Variants in DCC observed in about 807,000 individuals in gnomAD.
DCC encodes the protein DCC netrin 1 receptor.
In DCC, 58 loss-of-function variants were observed where a neutral mutation model predicts 172.5. The observed-to-expected ratio is 0.34, with a 90% CI of 0.27 to 0.42. DCC has a LOEUF of 0.42. DCC is among the 10% of genes least tolerant of loss of function. The probability of loss-of-function intolerance (pLI) is 1.00; values close to 1 mark genes in which losing one functional copy is unlikely to be tolerated. For missense variants in DCC, 1,740 were observed against 1,791.0 expected (o/e 0.97, Z 0.51); for synonymous variants, 709 against 644.5 (o/e 1.10, Z -1.52).
chr18:52,422,087 T>A (rs1362211798), intron 1 of DCC, among the ~76,000 whole-genome samples: 1 of 152,150 alleles, frequency 6.6e-6, no homozygotes, highest in African/African-American at 2.4e-5. Flanking sequence ...TTTGCCAACA[T>A]GTAGATAAAA....
At chr18:52,841,858 G>T (rs1223289915) in intron 2 of DCC, among the ~76,000 whole-genome samples, 1 of 151,998 alleles carries the variant, frequency 6.6e-6, no homozygotes, top group Non-Finnish European at 1.5e-5. Context: ...AATGTTTCTG[G>T]AAGTGTGGTC....
chr18:53,462,496 G>T (rs1420467143), intron 24 of DCC, among the ~76,000 whole-genome samples: 1 of 151,786 alleles, frequency 6.6e-6, no homozygotes, highest in Admixed American at 6.6e-5. Flanking sequence ...CCATCTAGTT[G>T]CAGGAAAACA....
intron 2 of DCC, among the ~76,000 whole-genome samples, chr18:52,798,761 T>TG (rs955565413): frequency 1.2e-5 from 1 of 81,778 alleles, no homozygotes; most frequent in African/African-American, 3.6e-5. Context: ...TTGTATCTTT[T>TG]TTTTTTTTAA....
intron 2 of DCC, among the ~76,000 whole-genome samples, chr18:52,891,367 T>C (rs911573410): frequency 6.6e-6 from 1 of 152,134 alleles, no homozygotes; most frequent in Admixed American, 6.6e-5. Context: ...TGTTAAATTA[T>C]GTCCTGAATG....
chr18:53,310,144 T>A (rs1454099601), intron 13 of DCC, among the ~76,000 whole-genome samples: 2 of 151,986 alleles, frequency 1.3e-5, no homozygotes, highest in Admixed American at 6.6e-5. Context: ...TGGGAATATA[T>A]GTCTTCAATG....
At chr18:53,489,113 G>A (rs2045933606) in intron 26 of DCC, among the ~76,000 whole-genome samples, 1 of 151,744 alleles carries the variant, frequency 6.6e-6, no homozygotes, top group Admixed American at 6.6e-5. Context: ...TTCTCTAGAA[G>A]ATGTTTTTAT....
At chr18:52,397,517 A>T (rs1307301440) in intron 1 of DCC, among the ~76,000 whole-genome samples, 2 of 152,040 alleles carry the variant, frequency 1.3e-5, no homozygotes, top group Non-Finnish European at 2.9e-5. Flanking sequence ...CTAGGGTCCC[A>T]TCAGCTATGA....
At chr18:53,217,310 TACACACAC>T (rs34151927) in intron 12 of DCC, among the ~76,000 whole-genome samples, 22 of 148,512 alleles carry the variant, frequency 1.5e-4, no homozygotes, top group African/African-American at 4.9e-4. Context: ...CATATGTATA[TACACACAC>T]ACACACACAC....
At chr18:52,458,964 C>T (rs567194348) in intron 1 of DCC, among the ~76,000 whole-genome samples, 1 of 152,110 alleles carries the variant, frequency 6.6e-6, no homozygotes, top group Non-Finnish European at 1.5e-5. Flanking sequence ...AAGTTCAAAC[C>T]TAACAACTTC....
intron 1 of DCC, among the ~76,000 whole-genome samples, chr18:52,570,855 C>T (rs1241611520): frequency 1.3e-5 from 2 of 152,072 alleles, no homozygotes; most frequent in African/African-American, 4.8e-5. Flanking sequence ...GGAAGTTAAT[C>T]CTCAAAGGTT....
chr18:53,180,193 T>C (rs2055173307), intron 9 of DCC, among the ~76,000 whole-genome samples: 1 of 152,170 alleles, frequency 6.6e-6, no homozygotes. Flanking sequence ...TGAGTGCACT[T>C]TCCACAGAAT....
intron 5 of DCC, among the ~76,000 whole-genome samples, chr18:52,956,669 T>G (rs1283555465): frequency 6.6e-6 from 1 of 152,132 alleles, no homozygotes; most frequent in Non-Finnish European, 1.5e-5. Context: ...TCACATGGAC[T>G]CTATAGATCA....
chr18:52,954,798 A>G (rs1465894564), intron 5 of DCC, among the ~76,000 whole-genome samples: 1 of 152,176 alleles, frequency 6.6e-6, no homozygotes, highest in East Asian at 1.9e-4. Context: ...TTCATTATAG[A>G]GAGGAGTTGT....
chr18:52,684,493 T>A (rs2035797999), intron 1 of DCC, among the ~76,000 whole-genome samples: 1 of 152,062 alleles, frequency 6.6e-6, no homozygotes, highest in Non-Finnish European at 1.5e-5. Flanking sequence ...AACACATCAG[T>A]CCCTTTGTGT....
intron 8 of DCC, among the ~76,000 whole-genome samples, chr18:53,169,522 T>G (rs897385442): frequency 1.6e-4 from 24 of 152,162 alleles, no homozygotes; most frequent in Non-Finnish European, 3.1e-4. Context: ...ATCCTGAATT[T>G]GGCTTAACTC....
intron 12 of DCC, among the ~76,000 whole-genome samples, chr18:53,247,340 A>C (rs2056377210): frequency 1.3e-5 from 2 of 152,024 alleles, no homozygotes; most frequent in Admixed American, 1.3e-4. Flanking sequence ...GTGGTGAGTA[A>C]TATTGTTTAG....
At chr18:53,252,978 T>C (rs1568392228) in intron 12 of DCC, among the ~76,000 whole-genome samples, 2 of 152,034 alleles carry the variant, frequency 1.3e-5, no homozygotes. Context: ...AATGATATAA[T>C]AGGATTAGCA....
chr18:53,175,171 A>G (rs938259655), intron 8 of DCC, among the ~76,000 whole-genome samples: 33 of 152,248 alleles, frequency 2.2e-4, no homozygotes, highest in Admixed American at 6.5e-4. Context: ...TTGATGGGAC[A>G]TATTTCCAAA....
chr18:53,478,200 C>T (rs2045789372), intron 25 of DCC, among the ~76,000 whole-genome samples: 1 of 152,174 alleles, frequency 6.6e-6, no homozygotes, highest in African/African-American at 2.4e-5. Flanking sequence ...CTAAATGAAG[C>T]AAGTGGGGCT....
Sources: allele counts gnomAD v4.1 joint callset (sites outside exome capture counted in the v4.1 genomes callset), GRCh38; gene constraint gnomAD v4.1.1; transcripts MANE v1.5; gene names NCBI Gene and HGNC (gene_info 2026-07-23, HGNC 2026-07-21).